The following ELAPOR2 variants were observed in gnomAD, a reference collection of about 807,000 sequenced individuals.
ELAPOR2 encodes the protein endosome/lysosome-associated apoptosis and autophagy regulator family member 2.
Under a neutral mutation model 120.7 loss-of-function variants are expected in ELAPOR2, and 89 were observed. That is an observed-to-expected ratio of 0.74 (90% CI 0.62 to 0.88). ELAPOR2 has a LOEUF of 0.88. ELAPOR2 is among the 40% of genes least tolerant of loss of function. The pLI, the probability that ELAPOR2 is intolerant of heterozygous loss-of-function variation, is 0.00. For missense variants in ELAPOR2, 1,134 were observed against 1,251.6 expected (o/e 0.91, Z 1.42); for synonymous variants, 444 against 444.9 (o/e 1.00, Z 0.03).
intron 1 of ELAPOR2, among the ~76,000 whole-genome samples, chr7:87,041,238 G>A (rs557054769): frequency 4.6e-5 from 7 of 152,074 alleles, no homozygotes; most frequent in Admixed American, 6.5e-5. Flanking sequence ...GCAGGCCAAC[G>A]TTCAGATTCA....
chr7:87,045,698 T>C (rs1390149082), intron 1 of ELAPOR2, among the ~76,000 whole-genome samples: 13 of 151,808 alleles, frequency 8.6e-5, no homozygotes, highest in Admixed American at 8.5e-4. Flanking sequence ...GCATGGCACA[T>C]GTATACATAT....
At chr7:87,035,041 G>C (rs1794540265) in intron 1 of ELAPOR2, among the ~76,000 whole-genome samples, 1 of 147,942 alleles carries the variant, frequency 6.8e-6, no homozygotes. Context: ...AGCCAAGATA[G>C]CACCACTACA....
chr7:87,014,192 A>G (rs980395889), intron 1 of ELAPOR2, among the ~76,000 whole-genome samples: 3 of 152,138 alleles, frequency 2.0e-5, no homozygotes, highest in African/African-American at 7.2e-5. Context: ...TTCAACATTA[A>G]TGAATCAACA....
At chr7:87,027,419 A>G (rs1306267165) in intron 1 of ELAPOR2, among the ~76,000 whole-genome samples, 1 of 152,308 alleles carries the variant, frequency 6.6e-6, no homozygotes, top group African/African-American at 2.4e-5. Flanking sequence ...TTTAAGTGTC[A>G]TTAGAATAAA....
intron 1 of ELAPOR2, among the ~76,000 whole-genome samples, chr7:86,990,980 A>G (rs1235421251): frequency 1.3e-5 from 2 of 152,292 alleles, no homozygotes; most frequent in Non-Finnish European, 2.9e-5. Flanking sequence ...TTTAATCTAT[A>G]TGGTATGTTT....
At chr7:86,985,652 A>G (rs190675014) in intron 1 of ELAPOR2, among the ~76,000 whole-genome samples, 4 of 152,312 alleles carry the variant, frequency 2.6e-5, no homozygotes, top group African/African-American at 9.6e-5. Flanking sequence ...CCTCATGCTA[A>G]AAACTCTCAA....
chr7:86,905,481 T>A (rs1463176267), intron 18 of ELAPOR2, among the ~76,000 whole-genome samples: 2 of 151,860 alleles, frequency 1.3e-5, no homozygotes, highest in Non-Finnish European at 2.9e-5. Context: ...TTCAAGCAGC[T>A]CCCTAAAGTA....
chr7:86,930,096 T>C (rs181655293), intron 8 of ELAPOR2, among the ~76,000 whole-genome samples: 2 of 152,078 alleles, frequency 1.3e-5, no homozygotes, highest in African/African-American at 4.8e-5. Context: ...TTGACCATCT[T>C]CTGCCTTTAT....
intron 4 of ELAPOR2, among the ~76,000 whole-genome samples, chr7:86,942,341 A>G (rs1790834847): frequency 6.6e-6 from 1 of 152,026 alleles, no homozygotes. Flanking sequence ...CTCATTAGAG[A>G]GAGGAATGTG....
intron 1 of ELAPOR2, among the ~76,000 whole-genome samples, chr7:87,003,581 T>C (rs1490873486): frequency 2.6e-5 from 4 of 152,154 alleles, no homozygotes; most frequent in Non-Finnish European, 5.9e-5. Flanking sequence ...TCCTGAGACC[T>C]CCTCAGCCAT....
rs1324527077 is a variant in ELAPOR2 at position 86,965,001 on chromosome 7, C to T, written c.213G>A (p.Thr71=). 17 of 1,551,396 alleles carry T rather than the reference C, an allele frequency of 1.1e-5. No individual in the cohort carries two copies. The highest frequency in any genetic ancestry group is 1.7e-4 in the Middle Eastern group (1 of 6,012). The part of the protein sequence containing the change: ...CQEKDYHFEY[T]ECDSSGSRWR... ...ACCTGGAGCCACTGCTATCACATTC[C>T]GTATATTCAAAGTGATAATCTTTCT... Residue 71 remains threonine (T), a synonymous_variant, in exon 2 of 22, where the codon ACG becomes ACA. Coordinates refer to ENST00000450689, the MANE Select transcript of ELAPOR2 (RefSeq NM_001142749.3).
At chr7:87,039,859 C>T (rs1474433997) in intron 1 of ELAPOR2, among the ~76,000 whole-genome samples, 1 of 152,120 alleles carries the variant, frequency 6.6e-6, no homozygotes, top group Non-Finnish European at 1.5e-5. Flanking sequence ...TCTGAGGTAC[C>T]GGGTTCATCT....
chr7:86,964,453 T>G (rs372603727), intron 2 of ELAPOR2, among the ~76,000 whole-genome samples: 2 of 152,122 alleles, frequency 1.3e-5, no homozygotes, highest in African/African-American at 2.4e-5. Flanking sequence ...CTAAAAAAAA[T>G]ATCCATTGCA....
intron 8 of ELAPOR2, among the ~76,000 whole-genome samples, chr7:86,934,924 A>G (rs1790501945): frequency 6.6e-6 from 1 of 151,798 alleles, no homozygotes; most frequent in Non-Finnish European, 1.5e-5. Flanking sequence ...CTTATCAACC[A>G]TCACATTTTG....
At position 86,938,162 on chromosome 7, in the gene ELAPOR2, A is replaced by C; in HGVS notation, c.1053T>G (p.Tyr351Ter). The C allele has an allele frequency of 6.4e-7, 1 of 1,552,362 alleles. No individual in the cohort carries two copies. Among genetic ancestry groups the C allele is most frequent in the Non-Finnish European group, 8.7e-7 (1 of 1,146,638 alleles). Residue 351 changes from tyrosine (Y) to a stop codon, truncating the protein, a stop_gained, in exon 8 of 22, where the codon TAT becomes TAG. Coordinates refer to ENST00000450689, the MANE Select transcript of ELAPOR2 (RefSeq NM_001142749.3). LOFTEE classifies it high-confidence loss of function. ...CATCACATGGAGTATGGATCTGGAA[A>C]TAGTCTTTTGTGGTACAGGGAGGGC... ...TERPPCTTKD[Y>*]FQIHTPCDEE...
At chr7:87,056,551 T>C (rs550687093) in intron 1 of ELAPOR2, among the ~76,000 whole-genome samples, 25 of 152,380 alleles carry the variant, frequency 1.6e-4, no homozygotes, top group African/African-American at 5.3e-4. Flanking sequence ...GCTTCCACAC[T>C]GCTGATCTGA....
intron 16 of ELAPOR2, 33 bp from the exon 17 acceptor site, chr7:86,908,576 A>G: frequency 3.1e-6 from 3 of 981,004 alleles, no homozygotes; most frequent in Non-Finnish European, 4.6e-6. Context: ...CTATTAAGCA[A>G]TATGGAAAAT....
In ELAPOR2 at chr7:86,914,722, C is replaced by G; in HGVS notation, c.1731+1G>C. On this transcript the variant is annotated splice_donor_variant, in intron 13 of 21. Transcript: ENST00000450689. LOFTEE classifies it high-confidence loss of function. The stretch of plus-strand genomic sequence containing the variant: ...TTTAAAAAAAAGTGCTTGGAACTTA[C>G]ATCTTGACCCTGATTAGTTCTCTGG... 6.2e-7 allele frequency: 1 copy of G among 1,601,142 alleles called. No homozygotes were observed. The highest frequency in any genetic ancestry group is 8.5e-7 in the Non-Finnish European group (1 of 1,175,246).
intron 1 of ELAPOR2, among the ~76,000 whole-genome samples, chr7:87,042,651 G>A (rs1271518970): frequency 6.6e-6 from 1 of 152,010 alleles, no homozygotes. Flanking sequence ...GCCCACAAGA[G>A]AAAGCAGGAA....
Sources: gnomAD v4.1 joint callset for allele counts (sites outside exome capture counted in the v4.1 genomes callset) on GRCh38, gnomAD v4.1.1 for gene constraint, MANE v1.5 for transcripts, NCBI Gene and HGNC (gene_info 2026-07-23, HGNC 2026-07-21) for gene names.